CREB1: variants seen among roughly 807,000 people sequenced by gnomAD.
CREB1 encodes cAMP responsive element binding protein 1.
Under a neutral mutation model 42.0 loss-of-function variants are expected in CREB1, and 2 were observed. The observed-to-expected ratio is 0.05, with a 90% CI of 0.02 to 0.15. The LOEUF (loss-of-function observed/expected upper bound fraction) is 0.15. Ranked by LOEUF, CREB1 falls within the 10% of genes least tolerant of loss-of-function variation. The pLI is 1.00. For missense variants in CREB1, 199 were observed against 388.9 expected, an observed-to-expected ratio of 0.51 and a Z score of 4.11; for synonymous variants, 123 against 139.9, an observed-to-expected ratio of 0.88 and a Z score of 0.85.
chr2:207,560,405 A>G, intron 3 of CREB1, 33 bp downstream of exon 3: 1 of 1,597,060 alleles, frequency 6.3e-7, no homozygotes, highest in Non-Finnish European at 8.5e-7. Context: ...ATCTATTTTA[A>G]TAACTTTTGT....
rs1303193885 is a variant in CREB1, at chr2:207,574,534, CAAAT to C, written c.506-737_506-734del. 2.6e-5 allele frequency among the ~76,000 whole-genome samples: 4 copies of C among 152,114 alleles called. No individual in the cohort carries two copies. In the South Asian group the frequency reaches 6.2e-4, roughly 24 times the overall value. On this transcript the variant is annotated intron_variant, in intron 5 of 7. Transcript: ENST00000353267. ...AAAAGTTGACTGATTTATTGTTTAACAAATGAATGACAGGTGTGGCTAATTAGGG... is the reference window on the plus strand; with the variant it reads ...AAAAGTTGACTGATTTATTGTTTAACGAATGACAGGTGTGGCTAATTAGGG...
chr2:207,597,764 G>T lies in CREB1; in HGVS notation c.*706G>T. The T allele has an allele frequency of 5.0e-6, 1 of 201,318 alleles. No homozygotes were observed. The highest frequency in any genetic ancestry group is 7.7e-5 in the East Asian group (1 of 12,990). 12.5% of individuals were successfully genotyped at this position (201,318 alleles called of 1,614,324 possible). A position where few individuals can be genotyped will look rare whatever the true frequency, so the allele number is the denominator to read the frequency against. ...AGTTCTGTATGTGTTCAACATTTTT[G>T]AATACATTAAAAGAAGTAACCAACT... On this transcript the variant is annotated 3_prime_UTR_variant, in exon 8 of 8. Coordinates refer to ENST00000353267, the MANE Select transcript of CREB1 (RefSeq NM_004379.5).
chr2:207,566,221 G>T (rs1187762980), intron 3 of CREB1, among the ~76,000 whole-genome samples: 3 of 152,154 alleles, frequency 2.0e-5, no homozygotes. Context: ...TAAAATGAAT[G>T]CCCACTTGGG....
Position 207,581,764 on chromosome 2 carries a change from A to G in CREB1, c.839+4109A>G, listed in dbSNP as rs931665780. The G allele has an allele frequency of 4.4e-6, 3 of 680,546 alleles. No individual in the cohort carries two copies. In the East Asian group the frequency reaches 8.1e-5, roughly 18 times the overall value. The allele number at this position is 680,546 out of a possible 1,614,324, so 42.2% of individuals were successfully genotyped here. On this transcript the variant is annotated intron_variant, in intron 7 of 7. Transcript: ENST00000353267. ...GGTATAATACCATTAACTGAATTATACATTTTATTTCCCCAGTTTTTTTAC... is the reference window on the plus strand; with the variant it reads ...GGTATAATACCATTAACTGAATTATGCATTTTATTTCCCCAGTTTTTTTAC...
Position 207,605,803 on chromosome 2 carries a change from C to T in CREB1, c.*8745C>T, listed in dbSNP as rs1002210757. Among the ~76,000 whole-genome samples the T allele has an allele frequency of 1.7e-4, 26 of 152,196 alleles. No individual in the cohort carries two copies. The highest frequency in any genetic ancestry group is 6.0e-4 in the African/African-American group (25 of 41,450). ...GTAACTAGGTCTACACAAGTTGTATCTCCAGGATACTGAGAAGTAAAAGTT... is the reference window on the plus strand; with the variant it reads ...GTAACTAGGTCTACACAAGTTGTATTTCCAGGATACTGAGAAGTAAAAGTT... On this transcript the variant is annotated 3_prime_UTR_variant, in exon 8 of 8. Transcript: ENST00000353267.
chr2:207,579,709 T>C (rs1486868029), intron 7 of CREB1, among the ~76,000 whole-genome samples: 5 of 152,194 alleles, frequency 3.3e-5, no homozygotes, highest in African/African-American at 7.2e-5. Flanking sequence ...TCTGCCATAG[T>C]TCCTTTTCCC....
At chr2:207,594,007 T>C (rs542019405) in intron 7 of CREB1, among the ~76,000 whole-genome samples, 2 of 152,198 alleles carry the variant, frequency 1.3e-5, no homozygotes, top group South Asian at 4.1e-4. Context: ...ATTACAGGGG[T>C]GAGCCACCAC....
In CREB1 at chr2:207,577,109, G is replaced by A. The variant is rs1574881623; in HGVS notation, c.689-396G>A. The A allele has an allele frequency of 4.1e-6, 4 of 971,914 alleles. No homozygotes were observed. In the East Asian group the frequency reaches 3.2e-4, roughly 78 times the overall value. 60.2% of individuals were successfully genotyped at this position (971,914 alleles called of 1,614,324 possible). A position where few individuals can be genotyped will look rare whatever the true frequency, so the allele number is the denominator to read the frequency against. ...CATGGTCGTTTTTATGTCGTGGCAA[G>A]AGTCTACTTGAAATTTTTTAATATG... On this transcript the variant is annotated intron_variant, in intron 6 of 7. Transcript: ENST00000353267.
At chr2:207,570,394 T>C in intron 5 of CREB1, 73 bp downstream of exon 5, 2 of 1,418,676 alleles carry the variant, frequency 1.4e-6, no homozygotes, top group African/African-American at 1.4e-5. Flanking sequence ...AGTTGCATTC[T>C]CTTCAGAGAA....
At chr2:207,560,404 A>G in intron 3 of CREB1, 32 bp downstream of exon 3, 2 of 1,597,396 alleles carry the variant, frequency 1.3e-6, no homozygotes, top group Non-Finnish European at 1.7e-6. Context: ...CATCTATTTT[A>G]ATAACTTTTG....
chr2:207,594,419 G>C (rs2085717917), intron 7 of CREB1, among the ~76,000 whole-genome samples: 1 of 152,090 alleles, frequency 6.6e-6, no homozygotes, highest in African/African-American at 2.4e-5. Context: ...ACTAATGTAA[G>C]TCCTGTTTCT....
chr2:207,591,637 T>C (rs2085055535), intron 7 of CREB1, among the ~76,000 whole-genome samples: 1 of 152,202 alleles, frequency 6.6e-6, no homozygotes, highest in Non-Finnish European at 1.5e-5. Context: ...TTCGCCATGT[T>C]GGCCAGGCTG....
intron 6 of CREB1, chr2:207,577,125 T>C: frequency 2.0e-6 from 2 of 992,024 alleles, no homozygotes; most frequent in Admixed American, 5.8e-5. Flanking sequence ...ACTTGAAATT[T>C]TTTAATATGA....
intron 1 of CREB1, among the ~76,000 whole-genome samples, chr2:207,553,966 A>C (rs1165058862): frequency 2.0e-5 from 3 of 151,932 alleles, no homozygotes; most frequent in African/African-American, 4.8e-5. Context: ...CAATATATTA[A>C]TTTTTTTTCA....
At chr2:207,544,974 T>C (rs1208415653) in intron 1 of CREB1, among the ~76,000 whole-genome samples, 1 of 152,204 alleles carries the variant, frequency 6.6e-6, no homozygotes, top group African/African-American at 2.4e-5. Context: ...TTGATGGGCA[T>C]TTAGGTTGAT....
chr2:207,538,983 G>C (rs1354910394), intron 1 of CREB1, among the ~76,000 whole-genome samples: 2 of 151,556 alleles, frequency 1.3e-5, no homozygotes, highest in Admixed American at 6.6e-5. Flanking sequence ...AGGGGACACA[G>C]AAATACCTTG....
intron 7 of CREB1, among the ~76,000 whole-genome samples, chr2:207,593,362 C>CA (rs972189892): frequency 1.3e-5 from 2 of 152,082 alleles, no homozygotes. Context: ...ACTGTCTCTA[C>CA]AAAAAATAAT....
At chr2:207,592,726 C>G (rs951078026) in intron 7 of CREB1, among the ~76,000 whole-genome samples, 1 of 151,950 alleles carries the variant, frequency 6.6e-6, no homozygotes, top group African/African-American at 2.4e-5. Context: ...TGAGAACATC[C>G]TGGCCAACAT....
At chr2:207,567,268 T>G (rs983004900) in intron 3 of CREB1, among the ~76,000 whole-genome samples, 195 bp from the exon 4 acceptor site, 1 of 152,138 alleles carries the variant, frequency 6.6e-6, no homozygotes, top group Non-Finnish European at 1.5e-5. Flanking sequence ...CTATTTTAGG[T>G]TCTCTAACTT....
Sources: allele counts gnomAD v4.1 joint callset (sites outside exome capture counted in the v4.1 genomes callset), GRCh38; gene constraint gnomAD v4.1.1; transcripts MANE v1.5; gene names NCBI Gene and HGNC (gene_info 2026-07-23, HGNC 2026-07-21).